Variants in MSI2 observed in about 807,000 individuals in gnomAD.
The protein encoded by MSI2 is RNA-binding protein Musashi homolog 2.
A neutral mutation model predicts 45.6 loss-of-function variants in MSI2; 17 were observed. That is an observed-to-expected ratio of 0.37 (90% CI 0.26 to 0.56). The LOEUF is 0.56. Ranked by LOEUF, MSI2 falls within the 20% of genes least tolerant of loss-of-function variation. The probability of loss-of-function intolerance (pLI) is 0.77; values close to 1 mark genes in which losing one functional copy is unlikely to be tolerated. For synonymous variants in MSI2, 156 were observed against 158.2 expected (o/e 0.99, Z 0.11); for missense variants, 293 against 444.2 (o/e 0.66, Z 3.06).
intron 5 of MSI2, among the ~76,000 whole-genome samples, chr17:57,348,543 G>A (rs1280185448): frequency 6.6e-6 from 1 of 152,106 alleles, no homozygotes; most frequent in African/African-American, 2.4e-5. Flanking sequence ...CATGACAGCT[G>A]GTTGTTTAAA....
chr17:57,336,009 G>T (rs1275169953), intron 5 of MSI2, among the ~76,000 whole-genome samples: 1 of 152,218 alleles, frequency 6.6e-6, no homozygotes, highest in Non-Finnish European at 1.5e-5. Flanking sequence ...GAGCAGAGAG[G>T]ACTTCAGAGC....
intron 7 of MSI2, chr17:57,531,888 C>G (rs1362423698): frequency 6.6e-6 from 1 of 152,262 alleles, no homozygotes; most frequent in Admixed American, 6.5e-5. Context: ...GTGGGTGAAG[C>G]CTCTTCCCTT....
At chr17:57,474,324 G>A (rs893278495) in intron 6 of MSI2, among the ~76,000 whole-genome samples, 1 of 152,074 alleles carries the variant, frequency 6.6e-6, no homozygotes, top group Admixed American at 6.5e-5. Context: ...CGGTGAAGTC[G>A]AACATCCCCC....
intron 6 of MSI2, among the ~76,000 whole-genome samples, chr17:57,517,664 C>T (rs938829165): frequency 2.0e-5 from 3 of 152,180 alleles, no homozygotes; most frequent in African/African-American, 7.2e-5. Context: ...TACCAACATG[C>T]ACTCCAAGAT....
chr17:57,698,954 G>T, the MSI2 span, among the ~76,000 whole-genome samples: 1 of 131,374 alleles, frequency 7.6e-6, no homozygotes, highest in Non-Finnish European at 1.6e-5. Flanking sequence ...GGTGAGAAAG[G>T]TCTTACCAAT....
chr17:57,610,312 C>T (rs1405071275), intron 8 of MSI2, among the ~76,000 whole-genome samples: 2 of 152,002 alleles, frequency 1.3e-5, no homozygotes, highest in Non-Finnish European at 2.9e-5. Flanking sequence ...ATTAGCAGGG[C>T]GTGGTGGCGT....
intron 5 of MSI2, among the ~76,000 whole-genome samples, chr17:57,340,655 G>A (rs1250841426): frequency 6.6e-6 from 1 of 152,180 alleles, no homozygotes; most frequent in Non-Finnish European, 1.5e-5. Context: ...TGTGGTTCTG[G>A]GGGATGGGAG....
chr17:57,678,637 A>G (rs1913406937), intron 13 of MSI2, among the ~76,000 whole-genome samples: 1 of 152,062 alleles, frequency 6.6e-6, no homozygotes, highest in South Asian at 2.1e-4. Context: ...ACAGCTCCAT[A>G]TAACCCCAAG....
intron 6 of MSI2, among the ~76,000 whole-genome samples, chr17:57,508,846 G>A (rs368422581): frequency 1.2e-3 from 187 of 152,360 alleles, no homozygotes; most frequent in African/African-American, 4.3e-3. Context: ...TGCTGAAGGA[G>A]CGTGTTCTTG....
intron 5 of MSI2, among the ~76,000 whole-genome samples, chr17:57,368,448 C>A (rs1020677888): frequency 7.2e-5 from 11 of 151,986 alleles, no homozygotes; most frequent in Admixed American, 2.0e-4. Context: ...CCCAGCTACT[C>A]GGGAGACTGA....
At chr17:57,325,117 A>G (rs75025302) in intron 5 of MSI2, among the ~76,000 whole-genome samples, 12 of 152,212 alleles carry the variant, frequency 7.9e-5, no homozygotes, top group Non-Finnish European at 1.8e-4. Flanking sequence ...TGTGGTATAT[A>G]TGCACTGTGG....
At chr17:57,395,914 T>A (rs980580404) in intron 5 of MSI2, among the ~76,000 whole-genome samples, 5 of 152,204 alleles carry the variant, frequency 3.3e-5, no homozygotes, top group Non-Finnish European at 7.3e-5. Flanking sequence ...TCTCATTGAC[T>A]TGACTTTTCC....
At position 57,257,140 on chromosome 17, in the gene MSI2, TA is replaced by T; in HGVS notation, c.103+4del. On this transcript the variant is annotated splice_donor_region_variant and intron_variant, in intron 2 of 13. Coordinates refer to ENST00000284073, the MANE Select transcript of MSI2 (RefSeq NM_138962.4). ...GACTGAGCTGGCAGACCTCACCAGG[TA>T]AGGGAGGGAGGGGGGGACGCCTGGG... 1 of 1,456,952 alleles carries T rather than the reference TA, an allele frequency of 6.9e-7. No homozygotes were observed. The highest frequency in any genetic ancestry group is 9.4e-7 in the Non-Finnish European group (1 of 1,066,460). 90.3% of individuals were successfully genotyped at this position (1,456,952 alleles called of 1,614,324 possible). A position where few individuals can be genotyped will look rare whatever the true frequency, so the allele number is the denominator to read the frequency against.
At chr17:57,501,083 C>T (rs890442057) in intron 6 of MSI2, among the ~76,000 whole-genome samples, 5 of 152,192 alleles carry the variant, frequency 3.3e-5, no homozygotes, top group African/African-American at 4.8e-5. Context: ...CCTCATTTCC[C>T]CATAAAGAAC....
chr17:57,592,052 G>A (rs1201233179), intron 7 of MSI2, among the ~76,000 whole-genome samples: 4 of 151,332 alleles, frequency 2.6e-5, no homozygotes, highest in African/African-American at 9.7e-5. Flanking sequence ...TGTACCTGTA[G>A]TCCCAGCTAC....
intron 6 of MSI2, among the ~76,000 whole-genome samples, chr17:57,524,132 C>G (rs1272540382): frequency 6.6e-6 from 1 of 152,230 alleles, no homozygotes; most frequent in African/African-American, 2.4e-5. Context: ...ATCAGGCTAG[C>G]CTGGGCATGC....
At chr17:57,640,541 A>G (rs1910171578) in intron 10 of MSI2, among the ~76,000 whole-genome samples, 1 of 152,160 alleles carries the variant, frequency 6.6e-6, no homozygotes, top group Admixed American at 6.5e-5. Flanking sequence ...TGAGCGCCCA[A>G]CGCCATCATC....
chr17:57,271,584 G>A (rs991018227), intron 5 of MSI2, among the ~76,000 whole-genome samples: 2 of 151,978 alleles, frequency 1.3e-5, no homozygotes, highest in African/African-American at 2.4e-5. Context: ...AGAGATTCTC[G>A]TTCCTGCCAC....
chr17:57,282,270 T>C (rs1489618129), intron 5 of MSI2, among the ~76,000 whole-genome samples: 3 of 152,054 alleles, frequency 2.0e-5, no homozygotes, highest in Non-Finnish European at 4.4e-5. Flanking sequence ...GGAGGGCCAG[T>C]TGCGTATTTT....
Sources: gnomAD v4.1 joint callset for allele counts (sites outside exome capture counted in the v4.1 genomes callset) on GRCh38, gnomAD v4.1.1 for gene constraint, MANE v1.5 for transcripts, NCBI Gene and HGNC (gene_info 2026-07-23, HGNC 2026-07-21) for gene names.